ATF6: variants seen among roughly 807,000 people sequenced by gnomAD.
ATF6 encodes the protein activating transcription factor 6.
ATF6 carries 53 observed loss-of-function variants against 83.6 expected under a neutral mutation model. The ratio of observed to expected loss-of-function variants is 0.63; its 90% confidence interval spans 0.51 to 0.80. The LOEUF (loss-of-function observed/expected upper bound fraction) is 0.80. Ranked by LOEUF, ATF6 falls within the 30% of genes least tolerant of loss-of-function variation. The pLI is 0.00. For missense variants in ATF6, 744 were observed against 797.9 expected (o/e 0.93, Z 0.81); for synonymous variants, 288 against 285.8 (o/e 1.01, Z -0.08).
chr1:161,808,762 G>T (rs563672068), intron 7 of ATF6, among the ~76,000 whole-genome samples: 30 of 151,772 alleles, frequency 2.0e-4, no homozygotes, highest in Non-Finnish European at 3.8e-4. Flanking sequence ...TAGAGATGGG[G>T]GTCTTGTTGT....
chr1:161,788,189 A>T (rs1055070706), intron 4 of ATF6, among the ~76,000 whole-genome samples: 1 of 152,134 alleles, frequency 6.6e-6, no homozygotes, highest in Non-Finnish European at 1.5e-5. Context: ...GTGCCTGAGG[A>T]TCCCTGTGAC....
At chr1:161,898,051 T>C (rs941592940) in intron 14 of ATF6, among the ~76,000 whole-genome samples, 1 of 152,138 alleles carries the variant, frequency 6.6e-6, no homozygotes, top group Non-Finnish European at 1.5e-5. Flanking sequence ...AAGTATAGAT[T>C]TTTTTGACTC....
In ATF6 at chr1:161,874,597, A is replaced by G. The variant is rs1304568555; in HGVS notation, c.1719+11285A>G. ...CCATTTTTTATTGAATAGAAGTTCA[A>G]TAAATTTTATTCTGTTAAGAATGAG... On this transcript the variant is annotated intron_variant, in intron 14 of 15. Coordinates refer to ENST00000367942, the MANE Select transcript of ATF6 (RefSeq NM_007348.4). Among the ~76,000 whole-genome samples, 4 of 151,560 alleles carry G rather than the reference A, an allele frequency of 2.6e-5. No homozygotes were observed. The South Asian group carries it at 6.2e-4, about 24-fold the overall frequency.
In ATF6 at chr1:161,789,290, A is replaced by G. The variant is rs1013535932; in HGVS notation, c.355-2118A>G. Among the ~76,000 whole-genome samples the G allele has an allele frequency of 2.2e-5, 3 of 134,016 alleles. No homozygotes were observed. In the Admixed American group the frequency reaches 2.4e-4, roughly 11 times the overall value. 87.9% of individuals were successfully genotyped at this position (134,016 alleles called of 152,430 possible). On this transcript the variant is annotated intron_variant, in intron 4 of 15. Coordinates refer to ENST00000367942, the MANE Select transcript of ATF6 (RefSeq NM_007348.4). ...TTTTTTTTTTTTTTACCCATTAACA[A>G]TCCCCATCTCACTACCAGCTTCTCA... is the stretch of plus-strand genomic sequence containing the variant.
chr1:161,767,417 G>A (rs552274517), intron 1 of ATF6, among the ~76,000 whole-genome samples: 2 of 152,054 alleles, frequency 1.3e-5, no homozygotes, highest in Non-Finnish European at 2.9e-5. Context: ...TTAATCCTTG[G>A]GTAGATTTTT....
chr1:161,863,980 A>G (rs1455089473), intron 14 of ATF6, among the ~76,000 whole-genome samples: 1 of 152,234 alleles, frequency 6.6e-6, no homozygotes, highest in Admixed American at 6.5e-5. Flanking sequence ...TGCCATGTGA[A>G]TATCTCTGTT....
rs146056942 is a variant in ATF6, at chr1:161,792,319, C to G, written c.680C>G (p.Pro227Arg). 4 of 1,613,382 alleles carry G rather than the reference C, an allele frequency of 2.5e-6. No individual in the cohort carries two copies. In the African/African-American group the frequency reaches 5.3e-5, roughly 22 times the overall value. Reference sequence around the variant, plus strand: ...CCAATTATCAGTTTACAACCTGCACCCACTAAAGGTACCTGAGCAGAATTT... The same window carrying G: ...CCAATTATCAGTTTACAACCTGCACGCACTAAAGGTACCTGAGCAGAATTT... ...QQPIISLQPA[P>R]TKGQTVLLSQ... is the part of the protein sequence containing the mutation. The change falls in exon 6 of 16, where the codon CCC becomes CGC. Residue 227 changes from proline to arginine, a missense_variant. Coordinates refer to ENST00000367942, the MANE Select transcript of ATF6 (RefSeq NM_007348.4).
At chr1:161,884,850 C>A (rs931669933) in intron 14 of ATF6, among the ~76,000 whole-genome samples, 3 of 152,176 alleles carry the variant, frequency 2.0e-5, no homozygotes, top group African/African-American at 7.2e-5. Context: ...CATATAAATT[C>A]TTTGGCTTCT....
Sources: gnomAD v4.1 joint callset for allele counts (sites outside exome capture counted in the v4.1 genomes callset) on GRCh38, gnomAD v4.1.1 for gene constraint, MANE v1.5 for transcripts, NCBI Gene and HGNC (gene_info 2026-07-23, HGNC 2026-07-21) for gene names.